HSPA4: variants seen among roughly 807,000 people sequenced by gnomAD.
HSPA4 encodes the protein heat shock 70 kDa protein 4.
Under a neutral mutation model 106.2 loss-of-function variants are expected in HSPA4, and 25 were observed. The ratio of observed to expected loss-of-function variants is 0.24; its 90% confidence interval spans 0.17 to 0.33. HSPA4 has a LOEUF of 0.33. HSPA4 is among the 10% of genes least tolerant of loss of function. HSPA4 has a pLI of 1.00. For missense variants in HSPA4, 841 were observed against 996.0 expected (o/e 0.84, Z 2.10); for synonymous variants, 332 against 333.6 (o/e 1.00, Z 0.05).
Position 133,063,041 on chromosome 5 carries a change from C to G in HSPA4, c.108-1939C>G, listed in dbSNP as rs558546687. ...TGAGAGTCAAAGCTTCAGACATCAC[C>G]TAGAGTCCTGACTTCATTGCTTTCA... On this transcript the variant is annotated intron_variant, in intron 1 of 18. Coordinates refer to ENST00000304858, the MANE Select transcript of HSPA4 (RefSeq NM_002154.4). Among the ~76,000 whole-genome samples, 96 of 152,264 alleles carry G rather than the reference C, an allele frequency of 6.3e-4. 1 individual carries two copies. The highest frequency in any genetic ancestry group is 2.2e-3 in the African/African-American group (92 of 41,552).
chr5:133,075,266 A>G (rs961306359), intron 6 of HSPA4, among the ~76,000 whole-genome samples: 2 of 152,208 alleles, frequency 1.3e-5, no homozygotes, highest in African/African-American at 4.8e-5. Flanking sequence ...TTTAATCACT[A>G]ATAGAATTTC....
In HSPA4 at chr5:133,103,857, G is replaced by C; in HGVS notation, c.2158-8G>C. ...TTTAGCACTTGTTTGACTGTCTCCT[G>C]GTTGCAGGAGGACCAGTATGATCAT... On this transcript the variant is annotated splice_polypyrimidine_tract_variant and splice_region_variant and intron_variant, in intron 17 of 18. Coordinates refer to ENST00000304858, the MANE Select transcript of HSPA4 (RefSeq NM_002154.4). 6.2e-7 allele frequency: 1 copy of C among 1,611,110 alleles called. No homozygotes were observed. Among genetic ancestry groups the C allele is most frequent in the African/African-American group, 1.3e-5 (1 of 74,894 alleles).
rs768405344 is a variant in HSPA4, at chr5:133,099,526, A to G, written c.1930-19A>G. On this transcript the variant is annotated intron_variant, in intron 15 of 18. Coordinates refer to ENST00000304858, the MANE Select transcript of HSPA4 (RefSeq NM_002154.4). ...GTAATTTTTGATTGACCTAATTATA[A>G]TATTTTCTTTATCATTAGGATCGTA... The G allele has an allele frequency of 2.3e-5, 30 of 1,298,562 alleles. No homozygotes were observed. The South Asian group carries it at 3.7e-4, about 16-fold the overall frequency. The allele number at this position is 1,298,562 out of a possible 1,614,324, so 80.4% of individuals were successfully genotyped here. A position where few individuals can be genotyped will look rare whatever the true frequency, so the allele number is the denominator to read the frequency against.
At position 133,054,549 on chromosome 5, in the gene HSPA4, T is replaced by G. The variant is rs377741461; in HGVS notation, c.107+2192T>G. 3.9e-5 allele frequency among the ~76,000 whole-genome samples: 6 copies of G among 152,204 alleles called. No homozygotes were observed. In the East Asian group the frequency reaches 9.6e-4, roughly 24 times the overall value. ...TCATATACTATACAATTTAACCAGA[T>G]GAAGTGATCGTTTTTAGTGTAGTCA... On this transcript the variant is annotated intron_variant, in intron 1 of 18. Transcript: ENST00000304858.
intron 17 of HSPA4, 152 bp from the exon 18 acceptor site, chr5:133,103,713 C>T (rs1765818794): frequency 1.7e-6 from 1 of 602,968 alleles, no homozygotes; most frequent in Non-Finnish European, 2.8e-6. Flanking sequence ...GGTTAGGTTT[C>T]TTTTGAATAA....
chr5:133,093,848 A>G (rs1012859457), intron 13 of HSPA4, among the ~76,000 whole-genome samples: 24 of 152,064 alleles, frequency 1.6e-4, no homozygotes, highest in African/African-American at 5.5e-4. Flanking sequence ...TAATCCCAGC[A>G]CTTTGAGAGG....
In HSPA4 at chr5:133,052,044, C is replaced by A; in HGVS notation, c.-207C>A. 1 of 532,424 alleles carries A rather than the reference C, an allele frequency of 1.9e-6. No individual in the cohort carries two copies. The allele number at this position is 532,424 out of a possible 1,614,324, so 33.0% of individuals were successfully genotyped here. ...TTCTCCGCCCCCGCTACCGGCGCCT[C>A]CTCTGCGGCCACTGAGCCGGAGCCG... On this transcript the variant is annotated 5_prime_UTR_variant, in exon 1 of 19. Coordinates refer to ENST00000304858, the MANE Select transcript of HSPA4 (RefSeq NM_002154.4).
At position 133,104,314 on chromosome 5, in the gene HSPA4, G is replaced by A; in HGVS notation, c.2401G>A (p.Glu801Lys). 1.2e-6 allele frequency: 2 copies of A among 1,614,138 alleles called. No individual in the cohort carries two copies. The highest frequency in any genetic ancestry group is 1.7e-6 in the Non-Finnish European group (2 of 1,180,010). ...TCCAAAAGAGGAACAAAAAAATGCAGAGCAGAATGGACCAGTGGATGGACA... is the reference window on the plus strand; with the variant it reads ...TCCAAAAGAGGAACAAAAAAATGCAAAGCAGAATGGACCAGTGGATGGACA... ...EPPKEEQKNAEQNGPVDGQGD... is the reference protein window; with the variant it reads ...EPPKEEQKNAKQNGPVDGQGD... Residue 801 changes from glutamate to lysine, a missense_variant, in exon 19 of 19, where the codon GAG becomes AAG. This residue lies in a region of HSPA4 where 328 missense variants were observed against 372.2 expected (regional missense o/e 0.88). Coordinates refer to ENST00000304858, the MANE Select transcript of HSPA4 (RefSeq NM_002154.4).
intron 1 of HSPA4, among the ~76,000 whole-genome samples, chr5:133,061,270 C>A (rs190862697): frequency 6.6e-6 from 1 of 150,544 alleles, no homozygotes; most frequent in Non-Finnish European, 1.5e-5. Flanking sequence ...CTACAGGCGC[C>A]CGCCACCATG....
At chr5:133,090,735 A>C (rs1765637097) in intron 11 of HSPA4, among the ~76,000 whole-genome samples, 1 of 152,208 alleles carries the variant, frequency 6.6e-6, no homozygotes, top group Admixed American at 6.5e-5. Flanking sequence ...ATGATAATTC[A>C]TACTTTGCAG....
At chr5:133,103,822 G>C in intron 17 of HSPA4, 43 bp from the exon 18 acceptor site, 2 of 1,544,986 alleles carry the variant, frequency 1.3e-6, no homozygotes, top group Non-Finnish European at 1.8e-6. Flanking sequence ...GGGAGGGAGG[G>C]TATCACACTT....
At chr5:133,090,023 A>G (rs1044050417) in intron 11 of HSPA4, among the ~76,000 whole-genome samples, 2 of 152,232 alleles carry the variant, frequency 1.3e-5, no homozygotes, top group African/African-American at 4.8e-5. Context: ...CTCCCATTGT[A>G]TCGGCAGTTT....
intron 7 of HSPA4, among the ~76,000 whole-genome samples, chr5:133,077,449 G>C (rs1320791835): frequency 1.3e-5 from 2 of 152,166 alleles, no homozygotes; most frequent in African/African-American, 4.8e-5. Context: ...TGTTGGCCAG[G>C]CTGGTCTCAA....
At chr5:133,101,672 T>C in intron 16 of HSPA4, 87 bp from the exon 17 acceptor site, 1 of 1,252,166 alleles carries the variant, frequency 8.0e-7, no homozygotes, top group Non-Finnish European at 1.1e-6. Context: ...CACACGGAGA[T>C]TAAATGTACT....
Position 133,104,297 on chromosome 5 carries a change from A to G in HSPA4, c.2384A>G (p.Glu795Gly). The G allele has an allele frequency of 6.2e-7, 1 of 1,614,180 alleles. No homozygotes were observed. The highest frequency in any genetic ancestry group is 8.5e-7 in the Non-Finnish European group (1 of 1,180,030). The change falls in exon 19 of 19, where the codon GAG (glutamate) becomes GGG (glycine). Residue 795 changes from glutamate to glycine, a missense_variant. Transcript: ENST00000304858. ...KPKPKVEPPK[E>G]EQKNAEQNGP... ...AAACCCAAAGTGGAACCTCCAAAAG[A>G]GGAACAAAAAAATGCAGAGCAGAAT...
chr5:133,088,068 G>A (rs1373293321), intron 8 of HSPA4, among the ~76,000 whole-genome samples: 3 of 152,070 alleles, frequency 2.0e-5, no homozygotes, highest in South Asian at 2.1e-4. Context: ...GATGGCTAGC[G>A]TGTTTGAATG....
At chr5:133,103,516 C>T (rs1050357318) in intron 17 of HSPA4, among the ~76,000 whole-genome samples, 8 of 152,026 alleles carry the variant, frequency 5.3e-5, no homozygotes, top group African/African-American at 1.7e-4. Flanking sequence ...GTTTTGGTTC[C>T]GAACTAGCAT....
chr5:133,100,725 G>A (rs1765774578), intron 16 of HSPA4, among the ~76,000 whole-genome samples: 1 of 152,146 alleles, frequency 6.6e-6, no homozygotes, highest in Non-Finnish European at 1.5e-5. Flanking sequence ...TAAAATTGAG[G>A]CCTTTTGTTC....
chr5:133,067,616 AATAT>A (rs1765324806), intron 3 of HSPA4, 59 bp downstream of exon 3: 1 of 1,374,668 alleles, frequency 7.3e-7, no homozygotes, highest in Admixed American at 1.9e-5. Context: ...TTATCAGTTC[AATAT>A]CTATCTGTAC....
Sources: allele counts gnomAD v4.1 joint callset (sites outside exome capture counted in the v4.1 genomes callset), GRCh38; gene constraint gnomAD v4.1.1; regional missense constraint gnomAD v4.1.1; transcripts MANE v1.5; gene names NCBI Gene and HGNC (gene_info 2026-07-23, HGNC 2026-07-21).